Variants in ANKS1A observed in about 807,000 individuals in gnomAD.
ANKS1A encodes ankyrin repeat and sterile alpha motif domain containing 1A.
A neutral mutation model predicts 120.3 loss-of-function variants in ANKS1A; 55 were observed. The ratio of observed to expected loss-of-function variants is 0.46; its 90% CI spans 0.37 to 0.57. ANKS1A has a LOEUF of 0.57. Ranked by LOEUF, ANKS1A falls within the 20% of genes least tolerant of loss-of-function variation. The pLI is 0.00. For missense variants in ANKS1A, 1,123 were observed against 1,480.3 expected, an observed-to-expected ratio of 0.76 and a Z score of 3.96; for synonymous variants, 590 against 604.7, an observed-to-expected ratio of 0.98 and a Z score of 0.36.
intron 11 of ANKS1A, among the ~76,000 whole-genome samples, chr6:35,049,324 A>G (rs1334998686): frequency 1.3e-5 from 2 of 152,244 alleles, no homozygotes; most frequent in Non-Finnish European, 2.9e-5. Flanking sequence ...GCTAACAAAC[A>G]TTTGTCATCG....
At chr6:35,061,033 G>C (rs768426779) in intron 13 of ANKS1A, among the ~76,000 whole-genome samples, 1 of 152,176 alleles carries the variant, frequency 6.6e-6, no homozygotes, top group African/African-American at 2.4e-5. Context: ...GATCATGGTC[G>C]CTGACACTTC....
intron 11 of ANKS1A, among the ~76,000 whole-genome samples, chr6:35,048,011 T>C (rs1327429916): frequency 1.3e-5 from 2 of 152,000 alleles, no homozygotes; most frequent in African/African-American, 2.4e-5. Context: ...AGACCAAATA[T>C]CAGCAACCCA....
In ANKS1A at chr6:35,017,636, C is replaced by G; in HGVS notation, c.1587C>G (p.Asp529Glu). 1 of 1,613,714 alleles carries G rather than the reference C, an allele frequency of 6.2e-7. No homozygotes were observed. The highest frequency in any genetic ancestry group is 8.5e-7 in the Non-Finnish European group (1 of 1,179,864). The change falls in exon 11 of 24, where the codon GAC (aspartate) becomes GAG (glutamate). Residue 529 changes from aspartate (D) to glutamate (E), a missense_variant. By Grantham distance (45) the Asp-to-Glu change is conservative. This residue lies in a region of ANKS1A where 904 missense variants were observed against 1,130.4 expected (regional missense o/e 0.80). Coordinates refer to ENST00000360359, the MANE Select transcript of ANKS1A (RefSeq NM_015245.3). ...GTACCGCTGGCCAGAGCCATCCAGACGGGTCCCCCCAGCAGGGCGCCTGCC... is the reference window on the plus strand; with the variant it reads ...GTACCGCTGGCCAGAGCCATCCAGAGGGGTCCCCCCAGCAGGGCGCCTGCC... Reference protein sequence around the residue: ...LLCTAGQSHPDGSPQQGACHK... With the variant: ...LLCTAGQSHPEGSPQQGACHK...
chr6:34,931,211 A>G (rs1384477232), intron 1 of ANKS1A, among the ~76,000 whole-genome samples: 2 of 148,698 alleles, frequency 1.3e-5, no homozygotes, highest in African/African-American at 2.5e-5. Context: ...CAGTGGTGCG[A>G]TCTCAGCTCA....
chr6:35,029,128 A>C (rs1774771548), intron 11 of ANKS1A, among the ~76,000 whole-genome samples: 1 of 151,766 alleles, frequency 6.6e-6, no homozygotes, highest in African/African-American at 2.4e-5. Context: ...TGTTTACAAA[A>C]CACTACTTTC....
intron 10 of ANKS1A, among the ~76,000 whole-genome samples, chr6:34,999,644 C>T (rs1773049374): frequency 6.6e-6 from 1 of 152,060 alleles, no homozygotes; most frequent in African/African-American, 2.4e-5. Flanking sequence ...GGTGGGTTGG[C>T]CATCAGAAGG....
At chr6:34,890,010 G>C (rs897423234) in intron 1 of ANKS1A, among the ~76,000 whole-genome samples, 1 of 151,952 alleles carries the variant, frequency 6.6e-6, no homozygotes, top group African/African-American at 2.4e-5. Context: ...GTAGAATCTC[G>C]AGGCTCCTCT....
intron 23 of ANKS1A, among the ~76,000 whole-genome samples, 163 bp downstream of exon 23, chr6:35,087,212 G>A (rs373587121): frequency 2.9e-3 from 160 of 55,238 alleles, no homozygotes; most frequent in African/African-American, 5.6e-3. Context: ...GGGCGGCAGC[G>A]TAGACGCTGT....
chr6:34,929,498 T>A (rs1768873438), intron 1 of ANKS1A, among the ~76,000 whole-genome samples: 1 of 152,236 alleles, frequency 6.6e-6, no homozygotes, highest in South Asian at 2.1e-4. Context: ...TGTCTCTAGT[T>A]TGGCATACAG....
At chr6:34,953,234 A>G (rs1169347398) in intron 1 of ANKS1A, among the ~76,000 whole-genome samples, 1 of 152,226 alleles carries the variant, frequency 6.6e-6, no homozygotes, top group Admixed American at 6.5e-5. Context: ...CAATCAAGTA[A>G]TGAAAAATGC....
At chr6:34,975,761 A>AAAT (rs993880003) in intron 3 of ANKS1A, among the ~76,000 whole-genome samples, 5 of 151,894 alleles carry the variant, frequency 3.3e-5, no homozygotes, top group South Asian at 2.1e-4. Flanking sequence ...CTCAAAAAAA[A>AAAT]AATAATAATA....
At chr6:35,097,896 G>A in the ANKS1A span, among the ~76,000 whole-genome samples, 3 of 152,272 alleles carry the variant, frequency 2.0e-5, no homozygotes, top group African/African-American at 4.8e-5. Context: ...AACTGTTTAC[G>A]AAAATTTTGT....
chr6:34,923,436 G>A (rs955969063), intron 1 of ANKS1A, among the ~76,000 whole-genome samples: 14 of 152,210 alleles, frequency 9.2e-5, no homozygotes, highest in Non-Finnish European at 5.9e-5. Context: ...GATGGAAAGG[G>A]AGAAATCAAA....
intron 1 of ANKS1A, among the ~76,000 whole-genome samples, chr6:34,924,090 CGTGTGTGTGTGTGT>C (rs71794086): frequency 2.0e-4 from 29 of 143,250 alleles, no homozygotes; most frequent in Admixed American, 1.8e-3. Context: ...GGGGCTTTTT[CGTGTGTGTGTGTGT>C]GTGTGTGTGT....
intron 1 of ANKS1A, among the ~76,000 whole-genome samples, chr6:34,922,747 G>A (rs1227446016): frequency 6.7e-6 from 1 of 148,854 alleles, no homozygotes; most frequent in Non-Finnish European, 1.5e-5. Flanking sequence ...AGGCTGGAGT[G>A]CAGTGGCGCG....
chr6:35,086,218 C>A lies in ANKS1A; in HGVS notation c.3303+282C>A. 7.3e-7 allele frequency: 1 copy of A among 1,364,948 alleles called. No individual in the cohort carries two copies. The highest frequency in any genetic ancestry group is 3.4e-5 in the East Asian group (1 of 29,024). The allele number at this position is 1,364,948 out of a possible 1,614,324, so 84.6% of individuals were successfully genotyped here. A position where few individuals can be genotyped will look rare whatever the true frequency, so the allele number is the denominator to read the frequency against. On this transcript the variant is annotated intron_variant, in intron 22 of 23. Transcript: ENST00000360359. This position sits in a 1 kb window ranked among gnomAD's most constrained non-coding sequence, Gnocchi z 5.1. Reference sequence around the variant, plus strand: ...TGCAGAGAGCGGCCTGCAGGCAGCCCCCAGTAACTGCGCCATCCCTGTGTC... The same window carrying A: ...TGCAGAGAGCGGCCTGCAGGCAGCCACCAGTAACTGCGCCATCCCTGTGTC...
At chr6:35,028,727 A>G (rs1272874970) in intron 11 of ANKS1A, among the ~76,000 whole-genome samples, 1 of 152,190 alleles carries the variant, frequency 6.6e-6, no homozygotes, top group African/African-American at 2.4e-5. Flanking sequence ...TTCATGTAAT[A>G]GTAATTTTTT....
chr6:34,889,285 G>T lies in ANKS1A; in HGVS notation c.-118G>T. 1 of 1,204,410 alleles carries T rather than the reference G, an allele frequency of 8.3e-7. No individual in the cohort carries two copies. Among genetic ancestry groups the T allele is most frequent in the Non-Finnish European group, 1.0e-6 (1 of 966,974 alleles). 74.6% of individuals were successfully genotyped at this position (1,204,410 alleles called of 1,614,324 possible). A position where few individuals can be genotyped will look rare whatever the true frequency, so the allele number is the denominator to read the frequency against. On this transcript the variant is annotated 5_prime_UTR_variant, in exon 1 of 24. It adds an upstream start codon to the 5' untranslated region. Transcript: ENST00000360359. This position sits in a 1 kb window ranked among gnomAD's most constrained non-coding sequence, Gnocchi z 5.5. ...CGCGCTCGTGGGGAAAAGGCAGGGA[G>T]GGGGTGGTGTCCCCAGCCGGTTTGG...
At chr6:35,024,756 A>G (rs896389469) in intron 11 of ANKS1A, among the ~76,000 whole-genome samples, 1 of 152,250 alleles carries the variant, frequency 6.6e-6, no homozygotes, top group Non-Finnish European at 1.5e-5. Flanking sequence ...CATTAGAGGC[A>G]TGATGTCATC....
Sources: gnomAD v4.1 joint callset for allele counts (sites outside exome capture counted in the v4.1 genomes callset) on GRCh38, gnomAD v4.1.1 for gene constraint, gnomAD v4.1.1 regional missense constraint, Gnocchi (gnomAD v3.1) non-coding constraint, MANE v1.5 for transcripts, NCBI Gene and HGNC (gene_info 2026-07-23, HGNC 2026-07-21) for gene names.